The following PHLDB1 variants were observed in gnomAD, a reference collection of about 807,000 sequenced individuals.
The protein encoded by PHLDB1 is pleckstrin homology-like domain family B member 1.
A neutral mutation model predicts 139.3 loss-of-function variants in PHLDB1; 65 were observed. The observed-to-expected ratio is 0.47, with a 90% CI of 0.38 to 0.57. PHLDB1 has a LOEUF of 0.57. PHLDB1 is among the 20% of genes least tolerant of loss of function. The pLI, the probability that PHLDB1 is intolerant of heterozygous loss-of-function variation, is 0.00. For synonymous variants in PHLDB1, 679 were observed against 734.5 expected (o/e 0.92, Z 1.22); for missense variants, 1,624 against 1,839.7 (o/e 0.88, Z 2.14).
intron 13 of PHLDB1, chr11:118,643,501 G>C (rs1214642952): frequency 1.0e-6 from 1 of 985,194 alleles, no homozygotes; most frequent in Non-Finnish European, 1.2e-6. Context: ...GCTTCTAGTT[G>C]GTCTCCTGCA....
At chr11:118,655,950 C>T in intron 22 of PHLDB1, 58 bp downstream of exon 22, 1 of 1,286,770 alleles carries the variant, frequency 7.8e-7, no homozygotes, top group Non-Finnish European at 1.1e-6. Context: ...CCCCACTCAT[C>T]CCTGACCCTT....
rs781976544 is a variant in PHLDB1, at chr11:118,644,172, A to G, written c.3119A>G (p.Lys1040Arg). ...AAGCGCCAACTAGCTCTGCAGCAGA[A>G]GGGTGAGTGACTGCCCCGCCAGCCC... The part of the protein sequence containing the change: ...ETKRQLALQQ[K>R]GQQVIEEQRR... The change falls in exon 15 of 23, where the codon AAG (lysine) becomes AGG (arginine). Residue 1040 changes from lysine to arginine, a missense_variant and splice_region_variant. Physicochemically the swap from Lys to Arg is conservative, Grantham distance 26. Transcript: ENST00000600882. 11 of 1,607,994 alleles carry G rather than the reference A, an allele frequency of 6.8e-6. No individual in the cohort carries two copies. The Admixed American group carries it at 1.8e-4, about 27-fold the overall frequency.
chr11:118,629,193 C>G (rs1232298833), intron 6 of PHLDB1, among the ~76,000 whole-genome samples: 1 of 152,236 alleles, frequency 6.6e-6, no homozygotes, highest in East Asian at 1.9e-4. Flanking sequence ...TGGGTGGGAG[C>G]TGCTCATCCT....
intron 1 of PHLDB1, among the ~76,000 whole-genome samples, chr11:118,609,850 C>CCAG: frequency 6.6e-6 from 1 of 152,178 alleles, no homozygotes; most frequent in African/African-American, 2.4e-5. Flanking sequence ...CTCCCTCGGC[C>CCAG]CTGCGGACCG....
chr11:118,625,279 C>T (rs556648958), intron 5 of PHLDB1, among the ~76,000 whole-genome samples: 4 of 152,272 alleles, frequency 2.6e-5, no homozygotes, highest in East Asian at 3.9e-4. Flanking sequence ...TTATGTGCCT[C>T]GAGGGATGGC....
intron 22 of PHLDB1, 103 bp from the exon 23 acceptor site, chr11:118,656,580 C>A: frequency 8.6e-7 from 1 of 1,158,276 alleles, no homozygotes; most frequent in Non-Finnish European, 1.3e-6. Flanking sequence ...AGCTCCAGGG[C>A]TTTCTAGGGG....
At position 118,628,501 on chromosome 11, in the gene PHLDB1, A is replaced by G; in HGVS notation, c.1678A>G (p.Arg560Gly). 1 of 1,613,294 alleles carries G rather than the reference A, an allele frequency of 6.2e-7. No individual in the cohort carries two copies. The highest frequency in any genetic ancestry group is 8.5e-7 in the Non-Finnish European group (1 of 1,180,018). The change falls in exon 6 of 23, where the codon AGG (arginine) becomes GGG (glycine). Residue 560 changes from arginine (R) to glycine (G), a missense_variant. Physicochemically the swap from Arg to Gly is moderately radical, Grantham distance 125 (BLOSUM62 -2). Coordinates refer to ENST00000600882, the MANE Select transcript of PHLDB1 (RefSeq NM_001144758.3). ...ACCCTGCCAGAGTCCCTGTGTCCAGAGGAAGCTCTCCAGCGGGGACTTGCG... is the reference window on the plus strand; with the variant it reads ...ACCCTGCCAGAGTCCCTGTGTCCAGGGGAAGCTCTCCAGCGGGGACTTGCG... ...ASPCQSPCVQ[R>G]KLSSGDLRVP...
At chr11:118,634,061 T>C (rs1555113283) in intron 9 of PHLDB1, 1 of 152,380 alleles carries the variant, frequency 6.6e-6, no homozygotes, top group African/African-American at 2.4e-5. Flanking sequence ...ATGGCTCCAC[T>C]CTGGCTTTGG....
chr11:118,652,175 C>A (rs1948440775), intron 20 of PHLDB1: 1 of 151,848 alleles, frequency 6.6e-6, no homozygotes, highest in East Asian at 1.9e-4. Flanking sequence ...CCACTTCCCC[C>A]CTAACCTGGT....
chr11:118,613,694 G>A (rs1303829429), intron 1 of PHLDB1, 122 bp from the exon 2 acceptor site: 2 of 641,186 alleles, frequency 3.1e-6, no homozygotes, highest in Non-Finnish European at 5.4e-6. Context: ...CCTTCAGCAT[G>A]AGCATTTGGG....
chr11:118,647,809 A>G, intron 17 of PHLDB1, 121 bp from the exon 18 acceptor site: 1 of 1,026,642 alleles, frequency 9.7e-7, no homozygotes, highest in Non-Finnish European at 1.4e-6. Context: ...TTTGAAGATG[A>G]TGCCTCCTCA....
chr11:118,642,087 T>C, intron 12 of PHLDB1, 167 bp from the exon 13 acceptor site: 1 of 719,756 alleles, frequency 1.4e-6, no homozygotes. Context: ...TCCTTCACCT[T>C]CCTGTCCATT....
At chr11:118,644,232 A>G in intron 15 of PHLDB1, 58 bp downstream of exon 15, 1 of 1,179,250 alleles carries the variant, frequency 8.5e-7, no homozygotes, top group Non-Finnish European at 1.2e-6. Flanking sequence ...GGTAGTTGCC[A>G]TGCCTCCTCT....
Position 118,626,244 on chromosome 11 carries a change from C to CT in PHLDB1, c.482-1048dup, listed in dbSNP as rs375550791. On this transcript the variant is annotated intron_variant, in intron 5 of 22. Transcript: ENST00000600882. ...CAGCCCTGCAGGCTTTTTTCTTTTTCTTTTTTTTTTTTTACCCCTGGGCCT... is the reference window on the plus strand; with the variant it reads ...CAGCCCTGCAGGCTTTTTTCTTTTTCTTTTTTTTTTTTTTACCCCTGGGCCT... 3.5e-3 allele frequency among the ~76,000 whole-genome samples: 504 copies of CT among 144,156 alleles called. 4 individuals are homozygous for CT. In the East Asian group the frequency reaches 0.04, roughly 11 times the overall value. The allele number at this position is 144,156 out of a possible 152,430, so 94.6% of individuals were successfully genotyped here. A position where few individuals can be genotyped will look rare whatever the true frequency, so the allele number is the denominator to read the frequency against.
At chr11:118,624,234 A>G (rs1238383604) in intron 4 of PHLDB1, 1 of 152,124 alleles carries the variant, frequency 6.6e-6, no homozygotes, top group Non-Finnish European at 1.5e-5. Context: ...ACTTTCACAT[A>G]CACTGTCTTA....
chr11:118,644,473 G>T (rs1306612398), intron 15 of PHLDB1: 1 of 458,506 alleles, frequency 2.2e-6, no homozygotes, highest in East Asian at 4.8e-5. Flanking sequence ...GGAGGGAGGG[G>T]ATGGATTTGA....
chr11:118,624,724 C>T, intron 4 of PHLDB1: 2 of 486,718 alleles, frequency 4.1e-6, no homozygotes, highest in South Asian at 4.1e-5. Context: ...ATCTCAGTCT[C>T]CTGAGTAGCT....
At chr11:118,640,163 C>A in intron 12 of PHLDB1, 1 of 179,088 alleles carries the variant, frequency 5.6e-6, no homozygotes, top group Non-Finnish European at 1.1e-5. Context: ...CATGCCATGC[C>A]GCCATTCCAT....
At chr11:118,609,810 G>A (rs1243662618) in intron 1 of PHLDB1, among the ~76,000 whole-genome samples, 3 of 152,250 alleles carry the variant, frequency 2.0e-5, no homozygotes, top group Non-Finnish European at 4.4e-5. Context: ...GCCGAGGGGT[G>A]CAAGGGGCCG....
Sources: allele counts gnomAD v4.1 joint callset (sites outside exome capture counted in the v4.1 genomes callset), GRCh38; gene constraint gnomAD v4.1.1; transcripts MANE v1.5; gene names NCBI Gene and HGNC (gene_info 2026-07-23, HGNC 2026-07-21).